Variants in ADAM8 observed in about 807,000 individuals in gnomAD.
ADAM8 encodes the protein disintegrin and metalloproteinase domain-containing protein 8.
A neutral mutation model predicts 102.4 loss-of-function variants in ADAM8; 104 were observed. The ratio of observed to expected loss-of-function variants is 1.02; its 90% CI spans 0.87 to 1.20. The LOEUF (loss-of-function observed/expected upper bound fraction) is 1.20. Among genes scored for constraint, ADAM8 ranks in the 50% most tolerant of loss-of-function variants. ADAM8 has a pLI of 0.00. For missense variants in ADAM8, 1,132 were observed against 1,159.0 expected (o/e 0.98, Z 0.34); for synonymous variants, 517 against 485.2 (o/e 1.07, Z -0.86).
rs1244421442 is a variant in ADAM8, at chr10:133,268,733, C to T, written c.2063+15G>A. On this transcript the variant is annotated intron_variant, in intron 19 of 22. Coordinates refer to ENST00000445355, the MANE Select transcript of ADAM8 (RefSeq NM_001109.5). Reference sequence around the variant, plus strand: ...AGCACTCGCCACCCTCCGTCACAGCCCCCACCACCCTCACCTGCTCAGGAT... The same window carrying T: ...AGCACTCGCCACCCTCCGTCACAGCTCCCACCACCCTCACCTGCTCAGGAT... 1.1e-5 allele frequency: 17 copies of T among 1,605,624 alleles called. No individual in the cohort carries two copies. Among genetic ancestry groups the T allele is most frequent in the Non-Finnish European group, 1.4e-5 (17 of 1,178,226 alleles).
intron 1 of ADAM8, 42 bp downstream of exon 1, chr10:133,276,730 T>A: frequency 1.3e-6 from 2 of 1,526,688 alleles, no homozygotes; most frequent in Non-Finnish European, 1.8e-6. Context: ...AGAGCCACCC[T>A]GCCCCGCGCT....
chr10:133,272,745 C>CCG lies in ADAM8; in HGVS notation c.705+52_705+53insCG, dbSNP rs1554930965. ...GGAATGAACCCTGTGGCAACACCCC[C>CCG]CCCACCTCCCGCCAGGGGCTCTGGC... On this transcript the variant is annotated intron_variant, in intron 8 of 22. Coordinates refer to ENST00000445355, the MANE Select transcript of ADAM8 (RefSeq NM_001109.5). The CCG allele has an allele frequency of 1.9e-6, 3 of 1,561,506 alleles. No homozygotes were observed. In the African/African-American group the frequency reaches 4.0e-5, roughly 21 times the overall value.
intron 18 of ADAM8, chr10:133,269,160 C>G: frequency 2.0e-6 from 2 of 985,414 alleles, no homozygotes; most frequent in African/African-American, 3.5e-5. Flanking sequence ...CCTCAGGGCC[C>G]CGGGCCGAGG....
intron 4 of ADAM8, 24 bp downstream of exon 4, chr10:133,273,927 C>G (rs41283315): frequency 0.011 from 16,591 of 1,578,422 alleles, 107 homozygotes; most frequent in Non-Finnish European, 0.012. Flanking sequence ...ACCTGCCCGC[C>G]CAGCTGCTCC....
intron 20 of ADAM8, 107 bp downstream of exon 20, chr10:133,267,822 G>C: frequency 9.0e-7 from 1 of 1,112,476 alleles, no homozygotes; most frequent in Non-Finnish European, 1.2e-6. Context: ...TGGCCTGTGC[G>C]TGAATTTAAT....
At position 133,271,689 on chromosome 10, in the gene ADAM8, T is replaced by A. The variant is rs1589808197; in HGVS notation, c.1123A>T (p.Met375Leu). The A allele has an allele frequency of 6.3e-7, 1 of 1,579,420 alleles. No homozygotes were observed. ...TAGGCCTGGCTGCAGTCACTGAACA[T>A]CCTGGGGAAACTGGAGCTGGGGAGG... ...AGSIGSSFPRMFSDCSQAYLE... is the reference protein window; with the variant it reads ...AGSIGSSFPRLFSDCSQAYLE... The change falls in exon 12 of 23, where the codon ATG becomes TTG. Residue 375 changes from methionine (M) to leucine (L), a missense_variant. Coordinates refer to ENST00000445355, the MANE Select transcript of ADAM8 (RefSeq NM_001109.5).
intron 5 of ADAM8, 115 bp from the exon 6 acceptor site, chr10:133,273,558 C>A: frequency 7.5e-7 from 1 of 1,333,072 alleles, no homozygotes; most frequent in Non-Finnish European, 1.0e-6. Flanking sequence ...CCACCAGCAG[C>A]CCCCCGCAGG....
At chr10:133,271,332 G>A (rs757343635) in intron 12 of ADAM8, 43 bp from the exon 13 acceptor site, 2 of 1,586,498 alleles carry the variant, frequency 1.3e-6, no homozygotes, top group Non-Finnish European at 1.7e-6. Context: ...ACTGGGGCCG[G>A]GCTGGGCTCC....
At chr10:133,270,681 C>A in intron 15 of ADAM8, 55 bp downstream of exon 15, 1 of 1,571,478 alleles carries the variant, frequency 6.4e-7, no homozygotes, top group Non-Finnish European at 8.7e-7. Flanking sequence ...CCTTCTGGGG[C>A]TGACCCCGCT....
chr10:133,273,626 C>T, intron 5 of ADAM8, 136 bp downstream of exon 5: 1 of 1,291,444 alleles, frequency 7.7e-7, no homozygotes, highest in Non-Finnish European at 1.1e-6. Flanking sequence ...GTCCCCTGAG[C>T]AGACCCCCAT....
intron 22 of ADAM8, 72 bp downstream of exon 22, chr10:133,263,616 C>CAGT: frequency 2.1e-6 from 3 of 1,449,416 alleles, no homozygotes; most frequent in South Asian, 1.4e-5. Flanking sequence ...GGCAGTGCCA[C>CAGT]CGTCAGCCCC....
intron 2 of ADAM8, among the ~76,000 whole-genome samples, chr10:133,274,645 G>A (rs1287116177): frequency 6.6e-6 from 1 of 152,064 alleles, no homozygotes. Flanking sequence ...CATGGGTAAC[G>A]ACAATGCCCC....
chr10:133,270,559 G>A (rs752949369), intron 15 of ADAM8, 49 bp from the exon 16 acceptor site: 4 of 1,563,054 alleles, frequency 2.6e-6, no homozygotes, highest in Non-Finnish European at 3.5e-6. Flanking sequence ...GAGCATGCTG[G>A]GGAGCCCAGG....
intron 16 of ADAM8, 23 bp downstream of exon 16, chr10:133,270,337 C>T (rs781440901): frequency 4.6e-5 from 72 of 1,567,118 alleles, no homozygotes; most frequent in South Asian, 2.1e-4. Flanking sequence ...GGGGGTGGCG[C>T]GGCCTCTGAG....
chr10:133,264,058 C>CTTTT (rs3058139), intron 21 of ADAM8, among the ~76,000 whole-genome samples: 10 of 84,034 alleles, frequency 1.2e-4, no homozygotes, highest in African/African-American at 1.8e-4. Flanking sequence ...TTTTCCTTTC[C>CTTTT]TTTTTTTTTT....
At chr10:133,274,958 G>A (rs1299512310) in intron 2 of ADAM8, 1 of 401,674 alleles carries the variant, frequency 2.5e-6, no homozygotes. Context: ...GGATGCTGAG[G>A]TAAGGACAGG....
At chr10:133,267,809 C>T (rs1846372416) in intron 20 of ADAM8, 120 bp downstream of exon 20, 7 of 1,062,632 alleles carry the variant, frequency 6.6e-6, no homozygotes, top group South Asian at 2.9e-5. Context: ...TCGGGGCCAC[C>T]GCTGGCCTGT....
intron 13 of ADAM8, 38 bp downstream of exon 13, chr10:133,271,162 A>G: frequency 6.3e-7 from 1 of 1,599,864 alleles, no homozygotes; most frequent in Non-Finnish European, 8.5e-7. Context: ...CCTGCCAGCC[A>G]TGGGCTCTGG....
At chr10:133,268,703 C>G in intron 19 of ADAM8, 45 bp downstream of exon 19, 1 of 1,567,512 alleles carries the variant, frequency 6.4e-7, no homozygotes, top group Non-Finnish European at 8.6e-7. Flanking sequence ...CAGCTGAGCA[C>G]GGGAAGCACT....
Sources: allele counts gnomAD v4.1 joint callset (sites outside exome capture counted in the v4.1 genomes callset), GRCh38; gene constraint gnomAD v4.1.1; transcripts MANE v1.5; gene names NCBI Gene and HGNC (gene_info 2026-07-23, HGNC 2026-07-21).